LPO: variants seen among roughly 807,000 people sequenced by gnomAD.
The protein encoded by LPO is lactoperoxidase.
A neutral mutation model predicts 68.4 loss-of-function variants in LPO; 70 were observed. The observed-to-expected ratio is 1.02, with a 90% CI of 0.84 to 1.25. LPO has a LOEUF of 1.25. LPO is among the 50% of genes most tolerant of loss of function. The pLI is 0.00. For synonymous variants in LPO, 360 were observed against 357.6 expected, an observed-to-expected ratio of 1.01 and a Z score of -0.08; for missense variants, 873 against 908.4, an observed-to-expected ratio of 0.96 and a Z score of 0.50.
chr17:58,251,256 G>C (rs1259997084), intron 7 of LPO: 1 of 153,110 alleles, frequency 6.5e-6, no homozygotes, highest in Non-Finnish European at 1.4e-5. Flanking sequence ...TCCAGCCTGG[G>C]CAACAGAGCA....
chr17:58,252,120 G>A, intron 7 of LPO, 62 bp from the exon 8 acceptor site: 2 of 1,495,898 alleles, frequency 1.3e-6, no homozygotes, highest in East Asian at 4.5e-5. Flanking sequence ...GCCCTGGGGA[G>A]AGGTTGCCAG....
At chr17:58,240,988 A>T (rs974416770) in intron 1 of LPO, among the ~76,000 whole-genome samples, 10 of 152,180 alleles carry the variant, frequency 6.6e-5, no homozygotes, top group African/African-American at 2.4e-4. Flanking sequence ...TTTTTACAGG[A>T]TGAAAATGTT....
At chr17:58,250,031 C>A (rs1269831793) in intron 6 of LPO, among the ~76,000 whole-genome samples, 5 of 152,122 alleles carry the variant, frequency 3.3e-5, no homozygotes, top group Non-Finnish European at 5.9e-5. Flanking sequence ...TTGGCCTTAT[C>A]GAGCTGGCAG....
chr17:58,267,631 C>T, intron 12 of LPO, 45 bp downstream of exon 12: 1 of 1,539,082 alleles, frequency 6.5e-7, no homozygotes, highest in East Asian at 2.3e-5. Flanking sequence ...GGCCCTTCTC[C>T]AAGAGGGGTG....
Position 58,250,480 on chromosome 17 carries a change from G to A in LPO, c.639G>A (p.Arg213=). The change falls in exon 7 of 13, where the codon AGG becomes AGA. Residue 213 remains arginine, a synonymous_variant. Coordinates refer to ENST00000262290, the MANE Select transcript of LPO (RefSeq NM_006151.3). ...LNEEGVLDQN[R]SLLFMQWGQI... ...AGGAGGGTGTTCTGGACCAAAACAG[G>A]TCCCTGCTCTTCATGCAGTGGGGTC... 6.2e-7 allele frequency: 1 copy of A among 1,614,156 alleles called. No individual in the cohort carries two copies. Among genetic ancestry groups the A allele is most frequent in the Non-Finnish European group, 8.5e-7 (1 of 1,180,042 alleles).
Position 58,254,875 on chromosome 17 carries a change from T to G in LPO, c.1170T>G (p.His390Gln). 6.2e-7 allele frequency: 1 copy of G among 1,614,092 alleles called. No homozygotes were observed. Residue 390 changes from histidine (H) to glutamine (Q), a missense_variant, in exon 9 of 13, where the codon CAT (histidine) becomes CAG (glutamine). Physicochemically the swap from His to Gln is conservative, Grantham distance 24 (BLOSUM62 0). Transcript: ENST00000262290. The part of the protein sequence containing the change: ...ATSHTLFLRE[H>Q]NRLARELKRL... ...CCCACACCCTCTTTCTCCGCGAGCA[T>G]AACCGGCTGGCCAGAGAACTAAAGA...
chr17:58,267,268 G>A, intron 11 of LPO, 81 bp from the exon 12 acceptor site: 1 of 1,058,246 alleles, frequency 9.4e-7, no homozygotes, highest in Non-Finnish European at 1.4e-6. Context: ...AGGGCTGATA[G>A]AGCTGGAGTG....
intron 1 of LPO, among the ~76,000 whole-genome samples, chr17:58,240,663 G>A (rs545947425): frequency 1.6e-4 from 24 of 152,364 alleles, no homozygotes; most frequent in Non-Finnish European, 2.8e-4. Context: ...AGGAGAGCAT[G>A]AAGGGGGTCC....
At chr17:58,253,022 C>CAAAAAAAAAAAAAAA (rs765890765) in intron 8 of LPO, among the ~76,000 whole-genome samples, 2 of 31,106 alleles carry the variant, frequency 6.4e-5, no homozygotes, top group East Asian at 1.8e-3. Flanking sequence ...GACTCCATCT[C>CAAAAAAAAAAAAAAA]AAAAAAAAAA....
intron 8 of LPO, among the ~76,000 whole-genome samples, chr17:58,253,526 C>A (rs1970003770): frequency 6.6e-6 from 1 of 152,126 alleles, no homozygotes; most frequent in South Asian, 2.1e-4. Context: ...ATCCCCATTC[C>A]ATTCAGCCTG....
chr17:58,256,768 A>C (rs1970080340), intron 9 of LPO, among the ~76,000 whole-genome samples: 1 of 150,882 alleles, frequency 6.6e-6, no homozygotes, highest in Non-Finnish European at 1.5e-5. Context: ...CGGAGGTTGC[A>C]GTGAGCCAGG....
At chr17:58,251,626 T>TA in intron 7 of LPO, 1 of 345,392 alleles carries the variant, frequency 2.9e-6, no homozygotes, top group Admixed American at 3.8e-5. Flanking sequence ...ATAAAGAGCA[T>TA]AAACTGTGGA....
Position 58,266,271 on chromosome 17 carries a change from T to C in LPO, c.1638T>C (p.His546=), listed in dbSNP as rs1970262799. Residue 546 remains histidine (H), a synonymous_variant, in exon 11 of 13, where the codon CAT becomes CAC. Transcript: ENST00000262290. ...TTTTCCAGCCAACTCACAGGATCCA[T>C]GGCTTTGACCTGGCTGCCATCAACA... is the stretch of plus-strand genomic sequence containing the variant. The part of the protein sequence containing the change: ...NKLFQPTHRI[H]GFDLAAINTQ... 3.1e-6 allele frequency: 5 copies of C among 1,614,146 alleles called. No homozygotes were observed. Among genetic ancestry groups the C allele is most frequent in the Non-Finnish European group, 3.4e-6 (4 of 1,180,016 alleles).
At position 58,267,811 on chromosome 17, in the gene LPO, C is replaced by A; in HGVS notation, c.1956C>A (p.Val652=). 2 of 1,614,156 alleles carry A rather than the reference C, an allele frequency of 1.2e-6. No individual in the cohort carries two copies. The part of the protein sequence containing the change: ...GDRFWWENPG[V]FTNEQKDSLQ... ...GGTTCTGGTGGGAAAACCCTGGGGT[C>A]TTCACGAACGAGCAGAAGGACTCTC... The change falls in exon 13 of 13, where the codon GTC becomes GTA. Residue 652 remains valine, a synonymous_variant. Transcript: ENST00000262290.
intron 9 of LPO, among the ~76,000 whole-genome samples, chr17:58,260,393 C>G (rs1042350565): frequency 1.3e-5 from 2 of 152,040 alleles, no homozygotes; most frequent in Non-Finnish European, 2.9e-5. Context: ...GTGGCAATTC[C>G]TGGAACTTCC....
chr17:58,267,752 C>G (rs1355830998), intron 12 of LPO, 35 bp from the exon 13 acceptor site: 4 of 1,595,668 alleles, frequency 2.5e-6, no homozygotes, highest in Middle Eastern at 1.7e-4. Context: ...GGCCAGCGGC[C>G]AGACTGTGGA....
At chr17:58,266,079 G>A (rs984668013) in intron 10 of LPO, 74 bp from the exon 11 acceptor site, 6 of 1,443,280 alleles carry the variant, frequency 4.2e-6, no homozygotes, top group Admixed American at 1.9e-5. Context: ...GTCTGGTGGA[G>A]GCAGAGGCAA....
Position 58,252,507 on chromosome 17 carries a change from G to A in LPO, c.1105+1G>A, listed in dbSNP as rs768958080. On this transcript the variant is annotated splice_donor_variant, in intron 8 of 12. Coordinates refer to ENST00000262290, the MANE Select transcript of LPO (RefSeq NM_006151.3). LOFTEE classifies it high-confidence loss of function. ...GCCCGTGTGCCCTGCTTCCTGGCAG[G>A]TGAGTCTAGCCTGGGAACAGAAGGG... The A allele has an allele frequency of 1.2e-6, 2 of 1,610,014 alleles. No homozygotes were observed. The highest frequency in any genetic ancestry group is 1.7e-6 in the Non-Finnish European group (2 of 1,177,372).
At position 58,254,989 on chromosome 17, in the gene LPO, C is replaced by T. The variant is rs1396153481; in HGVS notation, c.1266+18C>T. 1.2e-6 allele frequency: 2 copies of T among 1,611,508 alleles called. No homozygotes were observed. Among genetic ancestry groups the T allele is most frequent in the African/African-American group, 1.3e-5 (1 of 74,864 alleles). On this transcript the variant is annotated intron_variant, in intron 9 of 12. Coordinates refer to ENST00000262290, the MANE Select transcript of LPO (RefSeq NM_006151.3). ...TCGTGCAGGTAGGGAGTCCCAGGAG[C>T]ACTGTCACCTGGTCCCACCTGGCTC...
Sources: gnomAD v4.1 joint callset for allele counts (sites outside exome capture counted in the v4.1 genomes callset) on GRCh38, gnomAD v4.1.1 for gene constraint, MANE v1.5 for transcripts, NCBI Gene and HGNC (gene_info 2026-07-23, HGNC 2026-07-21) for gene names.